SPATA13: variants seen among roughly 807,000 people sequenced by gnomAD.
The protein encoded by SPATA13 is spermatogenesis associated 13.
Under a neutral mutation model 104.0 loss-of-function variants are expected in SPATA13, and 50 were observed. The ratio of observed to expected loss-of-function variants is 0.48; its 90% CI spans 0.38 to 0.61. The LOEUF is 0.61. SPATA13 is among the 20% of genes least tolerant of loss of function. SPATA13 has a pLI of 0.00. For missense variants in SPATA13, 1,524 were observed against 1,690.6 expected (o/e 0.90, Z 1.73); for synonymous variants, 606 against 667.5 (o/e 0.91, Z 1.42).
In SPATA13 at chr13:24,249,579, AG is replaced by A; in HGVS notation, c.1758del (p.Arg586SerfsTer41). The A allele has an allele frequency of 6.2e-7, 1 of 1,614,030 alleles. No individual in the cohort carries two copies. Among genetic ancestry groups the A allele is most frequent in the Non-Finnish European group, 8.5e-7 (1 of 1,179,874 alleles). On this transcript the variant is annotated frameshift_variant, in exon 3 of 13. Transcript: ENST00000382108. LOFTEE classifies it high-confidence loss of function. ...GAGATGGGGCTCTGGGAGACGGCCA[AG>A]GCCTCGGCCATTCTCTGACTACGGC... The part of the protein sequence containing the change: ...KRRWGSGRRP[R>X]PRPFSDYGQL...
intron 4 of SPATA13, among the ~76,000 whole-genome samples, chr13:24,257,542 GT>G (rs968140674): frequency 9.9e-5 from 15 of 151,910 alleles, no homozygotes; most frequent in African/African-American, 3.6e-4. Context: ...AACTTGGCAA[GT>G]TGACTTGCTT....
intron 1 of SPATA13, among the ~76,000 whole-genome samples, chr13:23,982,211 A>G (rs962386889): frequency 3.3e-5 from 5 of 152,222 alleles, no homozygotes; most frequent in Non-Finnish European, 7.3e-5. Flanking sequence ...GCCACATTAG[A>G]GAGGTCATAG....
intron 3 of SPATA13, among the ~76,000 whole-genome samples, chr13:24,029,313 G>T (rs9553146): frequency 6.6e-6 from 1 of 152,088 alleles, no homozygotes; most frequent in African/African-American, 2.4e-5. Context: ...TACCAGATGC[G>T]TCAGGACAGT....
chr13:24,045,698 G>T (rs758688742), intron 3 of SPATA13, among the ~76,000 whole-genome samples: 16 of 152,266 alleles, frequency 1.1e-4, no homozygotes, highest in Non-Finnish European at 1.8e-4. Flanking sequence ...GTGAAGAATC[G>T]CCAAGCAAGT....
chr13:24,095,540 C>G (rs528838313), intron 3 of SPATA13, among the ~76,000 whole-genome samples: 5 of 152,162 alleles, frequency 3.3e-5, no homozygotes, highest in African/African-American at 1.2e-4. Flanking sequence ...TGCCACGGAG[C>G]TATACGTTTA....
chr13:24,263,313 A>G (rs1874146976), intron 4 of SPATA13, among the ~76,000 whole-genome samples: 1 of 152,234 alleles, frequency 6.6e-6, no homozygotes, highest in Non-Finnish European at 1.5e-5. Context: ...CGGAGCTCTC[A>G]GGAAAGCTGG....
At chr13:23,983,043 T>C (rs1007998900) in intron 1 of SPATA13, among the ~76,000 whole-genome samples, 4 of 152,056 alleles carry the variant, frequency 2.6e-5, no homozygotes, top group African/African-American at 4.8e-5. Flanking sequence ...TGAAGTGAGA[T>C]TGAGAAGGAA....
At chr13:24,265,439 G>A (rs546664896) in intron 4 of SPATA13, among the ~76,000 whole-genome samples, 5 of 152,314 alleles carry the variant, frequency 3.3e-5, no homozygotes, top group South Asian at 4.1e-4. Flanking sequence ...TGATTTAGGG[G>A]AATGGACATT....
intron 1 of SPATA13, among the ~76,000 whole-genome samples, chr13:24,207,760 C>T (rs768820175): frequency 5.9e-5 from 9 of 152,238 alleles, no homozygotes; most frequent in Non-Finnish European, 1.0e-4. Context: ...TACCTCTGCG[C>T]ATCACCCAAG....
Position 24,224,388 on chromosome 13 carries a change from T to C in SPATA13, c.1459T>C (p.Cys487Arg), listed in dbSNP as rs576328462. ...PQSPGAGSAS[C>R]HSNHSALSAN... Reference sequence around the variant, plus strand: ...GAGCCCCGGGGCAGGAAGTGCCAGCTGTCACAGCAATCACAGTGCCCTGTC... The same window carrying C: ...GAGCCCCGGGGCAGGAAGTGCCAGCCGTCACAGCAATCACAGTGCCCTGTC... Residue 487 changes from cysteine to arginine, a missense_variant, in exon 2 of 13, where the codon TGT (cysteine) becomes CGT (arginine). By Grantham distance (180) the Cys-to-Arg change is radical. Coordinates refer to ENST00000382108, the MANE Select transcript of SPATA13 (RefSeq NM_001166271.3). 6 of 1,551,510 alleles carry C rather than the reference T, an allele frequency of 3.9e-6. No homozygotes were observed. The East Asian group carries it at 7.3e-5, about 19-fold the overall frequency.
chr13:24,231,766 G>A lies in SPATA13; in HGVS notation c.1653+7184G>A, dbSNP rs138835093. ...TTCTCCTCATCCTTGCCAGGACTTG[G>A]TATTGTCAGTATTCTGGACTCTAGC... On this transcript the variant is annotated intron_variant, in intron 2 of 12. Transcript: ENST00000382108. Among the ~76,000 whole-genome samples the A allele has an allele frequency of 8.5e-4, 130 of 152,298 alleles. 1 individual carries two copies. The highest frequency in any genetic ancestry group is 2.9e-3 in the African/African-American group (120 of 41,558).
intron 3 of SPATA13, among the ~76,000 whole-genome samples, chr13:24,089,346 C>T (rs1021657220): frequency 1.3e-5 from 2 of 152,202 alleles, no homozygotes; most frequent in African/African-American, 4.8e-5. Context: ...CTCACAACAG[C>T]TCGGTTGTGG....
chr13:24,306,668 G>A lies in SPATA13; in HGVS notation c.*3895G>A, dbSNP rs1877596855. 6.6e-6 allele frequency: 1 copy of A among 151,936 alleles called. No individual in the cohort carries two copies. The highest frequency in any genetic ancestry group is 1.5e-5 in the Non-Finnish European group (1 of 67,996). 9.4% of individuals were successfully genotyped at this position (151,936 alleles called of 1,614,324 possible). On this transcript the variant is annotated 3_prime_UTR_variant, in exon 13 of 13. Transcript: ENST00000382108. ...GCAAAAGCTTAAATATTTGATACAA[G>A]TTTACTTAGCTACAACATACTTTAC...
chr13:24,154,226 T>G (rs547850628), intron 3 of SPATA13, among the ~76,000 whole-genome samples: 1 of 152,338 alleles, frequency 6.6e-6, no homozygotes, highest in South Asian at 2.1e-4. Flanking sequence ...AGTGTGATTT[T>G]TTTTCCACTA....
At position 24,189,626 on chromosome 13, in the gene SPATA13, T is replaced by A. The variant is rs531008568; in HGVS notation, c.-112+28694T>A. 3.2e-3 allele frequency among the ~76,000 whole-genome samples: 108 copies of A among 33,408 alleles called. 11 individuals carry two copies. In the South Asian group the frequency reaches 0.09, roughly 28 times the overall value. 21.9% of individuals were successfully genotyped at this position (33,408 alleles called of 152,430 possible). On this transcript the variant is annotated intron_variant, in intron 1 of 12. Coordinates refer to ENST00000382108, the MANE Select transcript of SPATA13 (RefSeq NM_001166271.3). ...ATAAAATTATATTTAATTTATTATA[T>A]AAATATATATATTTATATATATATT...
rs1870625506 is a variant in SPATA13 at position 24,205,005 on chromosome 13, A to G, written c.-111-17814A>G. Among the ~76,000 whole-genome samples the G allele has an allele frequency of 1.3e-5, 2 of 152,230 alleles. No individual in the cohort carries two copies. Among genetic ancestry groups the G allele is most frequent in the South Asian group, 4.1e-4 (2 of 4,838 alleles). On this transcript the variant is annotated intron_variant, in intron 1 of 12. Transcript: ENST00000382108. This position sits in a 1 kb window ranked among gnomAD's most constrained non-coding sequence, Gnocchi z 4.1. ...ATCATACCTAATGGGTAAAAGCCGG[A>G]AGGATTCCCCTTGAAAACCGACACA...
intron 2 of SPATA13, among the ~76,000 whole-genome samples, chr13:24,243,434 A>T (rs1175931456): frequency 2.0e-5 from 3 of 152,212 alleles, no homozygotes; most frequent in African/African-American, 7.2e-5. Context: ...ACATCTGCAA[A>T]GTTCTGTTTT....
chr13:24,187,218 A>G (rs572733124), intron 1 of SPATA13, among the ~76,000 whole-genome samples: 1 of 152,326 alleles, frequency 6.6e-6, no homozygotes, highest in South Asian at 2.1e-4. Context: ...GGAGAAAGAA[A>G]TAGTCACAGC....
chr13:24,107,091 T>G (rs1880478755), intron 3 of SPATA13, among the ~76,000 whole-genome samples: 1 of 151,166 alleles, frequency 6.6e-6, no homozygotes, highest in African/African-American at 2.4e-5. Context: ...CTTGCCAGAA[T>G]AGTGGAGGGA....
Sources: gnomAD v4.1 joint callset for allele counts (sites outside exome capture counted in the v4.1 genomes callset) on GRCh38, gnomAD v4.1.1 for gene constraint, Gnocchi (gnomAD v3.1) non-coding constraint, MANE v1.5 for transcripts, NCBI Gene and HGNC (gene_info 2026-07-23, HGNC 2026-07-21) for gene names.